The following RIMS2 variants were observed in gnomAD, a reference collection of about 807,000 sequenced individuals.
RIMS2 encodes regulating synaptic membrane exocytosis protein 2.
In RIMS2, 59 loss-of-function variants were observed where a neutral mutation model predicts 174.4. That is an observed-to-expected ratio of 0.34 (90% CI 0.27 to 0.42). The LOEUF (loss-of-function observed/expected upper bound fraction) is 0.42, where lower values mean the gene tolerates loss of function less well. Ranked by LOEUF, RIMS2 falls within the 10% of genes least tolerant of loss-of-function variation. RIMS2 has a pLI of 1.00. For synonymous variants in RIMS2, 606 were observed against 572.5 expected (o/e 1.06, Z -0.84); for missense variants, 1,620 against 1,666.3 (o/e 0.97, Z 0.48).
chr8:103,579,959 AACTC>A (rs1466670286), intron 1 of RIMS2, among the ~76,000 whole-genome samples: 1 of 152,160 alleles, frequency 6.6e-6, no homozygotes, highest in African/African-American at 2.4e-5. Context: ...ATCTGGTGAG[AACTC>A]ACTCACTATC....
intron 19 of RIMS2, among the ~76,000 whole-genome samples, chr8:104,117,584 C>T (rs1324234602): frequency 6.6e-6 from 1 of 152,014 alleles, no homozygotes. Context: ...CAAGCAATCC[C>T]CCCTTCCTGG....
intron 1 of RIMS2, among the ~76,000 whole-genome samples, chr8:103,675,790 C>T (rs1051134465): frequency 5.3e-5 from 8 of 151,978 alleles, no homozygotes; most frequent in Admixed American, 5.2e-4. Flanking sequence ...GACTTGCAGA[C>T]ATACAGACAC....
At chr8:104,125,773 A>C (rs1332471661) in intron 19 of RIMS2, among the ~76,000 whole-genome samples, 1 of 152,192 alleles carries the variant, frequency 6.6e-6, no homozygotes, top group Non-Finnish European at 1.5e-5. Context: ...TTGGTGACAA[A>C]AAATTATAAT....
At chr8:104,107,977 C>G (rs564002317) in intron 19 of RIMS2, among the ~76,000 whole-genome samples, 1 of 148,052 alleles carries the variant, frequency 6.8e-6, no homozygotes, top group African/African-American at 2.5e-5. Flanking sequence ...GCCCCCCCCC[C>G]ACAATGGAAA....
chr8:104,035,252 GT>G (rs34443389), intron 19 of RIMS2, among the ~76,000 whole-genome samples: 39,863 of 146,000 alleles, frequency 0.27, 5,779 homozygotes, highest in African/African-American at 0.4. Context: ...GAAAATAACT[GT>G]TTTTTTTTTT....
chr8:104,177,893 T>C (rs1006072145), intron 19 of RIMS2, among the ~76,000 whole-genome samples: 5 of 152,140 alleles, frequency 3.3e-5, no homozygotes, highest in African/African-American at 1.2e-4. Context: ...TAATAGTCTC[T>C]CCTTAATGCA....
At chr8:104,180,540 G>T (rs997971678) in intron 19 of RIMS2, among the ~76,000 whole-genome samples, 1 of 151,324 alleles carries the variant, frequency 6.6e-6, no homozygotes, top group African/African-American at 2.4e-5. Context: ...TCTAAAAACA[G>T]GAAGGAGGAG....
rs543668567 is a variant in RIMS2, at chr8:103,611,902, A to G, written c.177-85184A>G. On this transcript the variant is annotated intron_variant, in intron 1 of 23. Coordinates refer to ENST00000504942, the Ensembl canonical transcript of RIMS2. ...TTTCTCTACCTCTTCTTTAAGGCCA[A>G]TGATTCTTAGATTTGCCCTTTTCAG... 4.0e-5 allele frequency among the ~76,000 whole-genome samples: 6 copies of G among 151,816 alleles called. No homozygotes were observed. In the South Asian group the frequency reaches 1.0e-3, roughly 26 times the overall value.
At chr8:104,158,921 TG>T (rs2098742835) in intron 19 of RIMS2, among the ~76,000 whole-genome samples, 2 of 152,218 alleles carry the variant, frequency 1.3e-5, no homozygotes, top group Non-Finnish European at 2.9e-5. Flanking sequence ...TTGTCTATTT[TG>T]CGTTTTGTTG....
intron 1 of RIMS2, among the ~76,000 whole-genome samples, chr8:103,592,405 G>A (rs1479330402): frequency 1.3e-5 from 2 of 151,170 alleles, no homozygotes; most frequent in African/African-American, 4.8e-5. Flanking sequence ...GTCTTGCAAA[G>A]TAGAGCACTC....
chr8:103,756,719 C>A (rs959334207), intron 2 of RIMS2, among the ~76,000 whole-genome samples: 2 of 152,070 alleles, frequency 1.3e-5, no homozygotes, highest in African/African-American at 4.8e-5. Context: ...CCATTGTGCC[C>A]AGCCTGTTAT....
chr8:103,691,502 T>G (rs889521185), intron 1 of RIMS2, among the ~76,000 whole-genome samples: 1 of 152,224 alleles, frequency 6.6e-6, no homozygotes. Flanking sequence ...AGTTACATTT[T>G]TCAACTCTAG....
intron 3 of RIMS2, among the ~76,000 whole-genome samples, chr8:103,825,078 A>C (rs984675564): frequency 6.6e-6 from 1 of 151,964 alleles, no homozygotes; most frequent in Non-Finnish European, 1.5e-5. Flanking sequence ...CATATTTATT[A>C]ATCTCTGAAT....
chr8:103,967,344 C>T (rs976420204), intron 15 of RIMS2, among the ~76,000 whole-genome samples: 7 of 151,280 alleles, frequency 4.6e-5, no homozygotes, highest in Admixed American at 4.6e-4. Flanking sequence ...GCATGTGCCA[C>T]TACATCTGGC....
At chr8:104,142,152 G>A (rs2098586948) in intron 19 of RIMS2, among the ~76,000 whole-genome samples, 1 of 136,008 alleles carries the variant, frequency 7.4e-6, no homozygotes, top group Admixed American at 7.8e-5. Flanking sequence ...TTGCGACAGA[G>A]TTTCGCTCTT....
At chr8:103,878,500 A>C (rs2099152238) in intron 3 of RIMS2, among the ~76,000 whole-genome samples, 1 of 151,784 alleles carries the variant, frequency 6.6e-6, no homozygotes, top group African/African-American at 2.4e-5. Context: ...TTTGCATCTC[A>C]GTTCATTGGA....
At chr8:104,101,961 A>G (rs1326890866) in intron 19 of RIMS2, among the ~76,000 whole-genome samples, 3 of 152,036 alleles carry the variant, frequency 2.0e-5, no homozygotes, top group Non-Finnish European at 4.4e-5. Flanking sequence ...TGAGCTTTCT[A>G]TATGTCCTCC....
intron 3 of RIMS2, among the ~76,000 whole-genome samples, chr8:103,853,131 A>C (rs2935299): frequency 6.6e-6 from 1 of 151,868 alleles, no homozygotes; most frequent in Non-Finnish European, 1.5e-5. Flanking sequence ...CCATGAAATA[A>C]TAAGTATCTC....
intron 1 of RIMS2, among the ~76,000 whole-genome samples, chr8:103,610,738 T>C (rs549492443): frequency 7.9e-5 from 12 of 152,338 alleles, no homozygotes; most frequent in African/African-American, 2.9e-4. Flanking sequence ...TGCTAATATT[T>C]TGTTGAAGAG....
Sources: allele counts gnomAD v4.1 joint callset (sites outside exome capture counted in the v4.1 genomes callset), GRCh38; gene constraint gnomAD v4.1.1; transcripts MANE v1.5; gene names NCBI Gene and HGNC (gene_info 2026-07-23, HGNC 2026-07-21).